SLC6A5: variants seen among roughly 807,000 people sequenced by gnomAD.
SLC6A5 encodes solute carrier family 6 member 5.
A neutral mutation model predicts 90.5 loss-of-function variants in SLC6A5; 58 were observed. That is an observed-to-expected ratio of 0.64 (90% CI 0.52 to 0.80). The LOEUF (loss-of-function observed/expected upper bound fraction) is 0.80, where lower values mean the gene tolerates loss of function less well. Among genes scored for constraint, SLC6A5 ranks in the 30% least tolerant of loss-of-function variants. The probability of loss-of-function intolerance (pLI) is 0.00; values close to 1 mark genes in which losing one functional copy is unlikely to be tolerated. For missense variants in SLC6A5, 1,015 were observed against 1,017.6 expected, an observed-to-expected ratio of 1.00 and a Z score of 0.03; for synonymous variants, 427 against 401.4, an observed-to-expected ratio of 1.06 and a Z score of -0.76.
intron 7 of SLC6A5, among the ~76,000 whole-genome samples, chr11:20,618,271 C>G (rs542407579): frequency 6.6e-6 from 1 of 152,254 alleles, no homozygotes; most frequent in South Asian, 2.1e-4. Flanking sequence ...GGTCTGGCTG[C>G]CAAGTTAGCT....
At chr11:20,613,281 A>C (rs7104406) in intron 5 of SLC6A5, among the ~76,000 whole-genome samples, 9,816 of 152,262 alleles carry the variant, frequency 0.064, 1,080 homozygotes, top group African/African-American at 0.22. Context: ...TACTTAAAAC[A>C]GTGCCATAAA....
At chr11:20,605,266 G>A (rs752625605) in intron 3 of SLC6A5, among the ~76,000 whole-genome samples, 8 of 152,178 alleles carry the variant, frequency 5.3e-5, no homozygotes, top group Non-Finnish European at 1.0e-4. Flanking sequence ...GCAATGCACT[G>A]CTTCACCCCA....
intron 14 of SLC6A5, among the ~76,000 whole-genome samples, chr11:20,648,394 C>T (rs761316623): frequency 6.6e-6 from 1 of 152,106 alleles, no homozygotes; most frequent in Non-Finnish European, 1.5e-5. Context: ...ACAGAAAAAT[C>T]GTTCAGCATT....
rs756405297 is a variant in SLC6A5 at position 20,627,945 on chromosome 11, A to T, written c.1396-35A>T. The T allele has an allele frequency of 1.9e-6, 3 of 1,543,646 alleles. No individual in the cohort carries two copies. In the South Asian group the frequency reaches 3.3e-5, roughly 17 times the overall value. ...CTCTCCCCTGGCGCCAGTCTCCTTC[A>T]TGGGTCTTGAATCTCTTTCCCTTTT... On this transcript the variant is annotated intron_variant, in intron 8 of 15. Coordinates refer to ENST00000525748, the MANE Select transcript of SLC6A5 (RefSeq NM_004211.5).
chr11:20,632,427 G>A (rs1248270297), intron 10 of SLC6A5, among the ~76,000 whole-genome samples: 3 of 152,214 alleles, frequency 2.0e-5, no homozygotes, highest in Admixed American at 2.0e-4. Context: ...TTTATCTGGT[G>A]TGTAAAATTG....
In SLC6A5 at chr11:20,654,784, C is replaced by T; in HGVS notation, c.2310C>T (p.Tyr770=). Residue 770 remains tyrosine, a synonymous_variant, in exon 16 of 16, where the codon TAC becomes TAT. Coordinates refer to ENST00000525748, the MANE Select transcript of SLC6A5 (RefSeq NM_004211.5). ...PFLAQHRGER[Y]KNMIDPLGTS... ...TAGCTCAACACCGCGGGGAGCGTTA[C>T]AAGAACATGATCGACCCCTTGGGAA... The T allele has an allele frequency of 1.9e-6, 3 of 1,614,138 alleles. No homozygotes were observed. The highest frequency in any genetic ancestry group is 2.5e-6 in the Non-Finnish European group (3 of 1,179,994).
intron 7 of SLC6A5, among the ~76,000 whole-genome samples, chr11:20,618,945 G>GAC (rs68111718): frequency 9.4e-5 from 14 of 148,768 alleles, no homozygotes; most frequent in African/African-American, 3.0e-4. Flanking sequence ...TGTCCCGCCC[G>GAC]ACACACACAC....
At chr11:20,627,911 G>A (rs1473016567) in intron 8 of SLC6A5, 69 bp from the exon 9 acceptor site, 4 of 1,102,960 alleles carry the variant, frequency 3.6e-6, no homozygotes, top group Non-Finnish European at 5.6e-6. Flanking sequence ...GGCACTGGGT[G>A]TGTGACTCCT....
chr11:20,606,241 A>G (rs1852578632), intron 3 of SLC6A5, among the ~76,000 whole-genome samples: 1 of 152,268 alleles, frequency 6.6e-6, no homozygotes, highest in African/African-American at 2.4e-5. Context: ...TAGACGGGGC[A>G]TTTTGAGGAA....
At chr11:20,633,498 G>C (rs2133805619) in intron 10 of SLC6A5, among the ~76,000 whole-genome samples, 1 of 152,282 alleles carries the variant, frequency 6.6e-6, no homozygotes, top group South Asian at 2.1e-4. Context: ...ACAGCAGAGT[G>C]GCTACCCAAG....
chr11:20,638,422 G>A, intron 12 of SLC6A5, 37 bp from the exon 13 acceptor site: 4 of 1,276,686 alleles, frequency 3.1e-6, no homozygotes, highest in Non-Finnish European at 4.6e-6. Context: ...CTGGCTTCAG[G>A]ACGCATTTGA....
intron 5 of SLC6A5, among the ~76,000 whole-genome samples, chr11:20,613,629 C>T (rs1852731742): frequency 6.6e-6 from 1 of 151,486 alleles, no homozygotes; most frequent in South Asian, 2.1e-4. Flanking sequence ...CTTGGTACCA[C>T]CGATGTTTTG....
At chr11:20,629,376 T>A (rs1853064397) in intron 9 of SLC6A5, among the ~76,000 whole-genome samples, 1 of 152,192 alleles carries the variant, frequency 6.6e-6, no homozygotes, top group Non-Finnish European at 1.5e-5. Context: ...AGGCCCCATC[T>A]CCTCAATTTC....
rs991679363 is a variant in SLC6A5, at chr11:20,603,701, G to C, written c.541-585G>C. Among the ~76,000 whole-genome samples, 2 of 152,210 alleles carry C rather than the reference G, an allele frequency of 1.3e-5. 1 individual carries two copies. Among genetic ancestry groups the C allele is most frequent in the Admixed American group, 1.3e-4 (2 of 15,286 alleles). On this transcript the variant is annotated intron_variant, in intron 2 of 15. Coordinates refer to ENST00000525748, the MANE Select transcript of SLC6A5 (RefSeq NM_004211.5). ...CCTTCTTAAATTAGTTGACCAGGCAGGTTCTGGTTTGGTCAAGAAAGTAAG... is the reference window on the plus strand; with the variant it reads ...CCTTCTTAAATTAGTTGACCAGGCACGTTCTGGTTTGGTCAAGAAAGTAAG...
Position 20,614,466 on chromosome 11 carries a change from G to A in SLC6A5, c.986-213G>A, listed in dbSNP as rs192346975. Among the ~76,000 whole-genome samples, 9 of 152,342 alleles carry A rather than the reference G, an allele frequency of 5.9e-5. No individual in the cohort carries two copies. The East Asian group carries it at 9.6e-4, about 16-fold the overall frequency. On this transcript the variant is annotated intron_variant, in intron 5 of 15. Coordinates refer to ENST00000525748, the MANE Select transcript of SLC6A5 (RefSeq NM_004211.5). Reference sequence around the variant, plus strand: ...AATGCCTTTGTCATCAGTACAAGGTGCAGTTGTGGGGACTGGGGGCTCTGA... The same window carrying A: ...AATGCCTTTGTCATCAGTACAAGGTACAGTTGTGGGGACTGGGGGCTCTGA...
At position 20,626,858 on chromosome 11, in the gene SLC6A5, T is replaced by C. The variant is rs771213870; in HGVS notation, c.1395+16T>C. The C allele has an allele frequency of 2.7e-5, 43 of 1,612,912 alleles. No homozygotes were observed. The highest frequency in any genetic ancestry group is 3.6e-5 in the Non-Finnish European group (43 of 1,179,024). On this transcript the variant is annotated intron_variant, in intron 8 of 15. Transcript: ENST00000525748. ...GGATGCCACGGTGGGCTTCTAATTT[T>C]ATCTATAACCAGCCCTGGGGGAGTG... is the stretch of plus-strand genomic sequence containing the variant.
At chr11:20,610,822 T>C (rs774610907) in intron 5 of SLC6A5, among the ~76,000 whole-genome samples, 3 of 152,186 alleles carry the variant, frequency 2.0e-5, no homozygotes, top group Non-Finnish European at 4.4e-5. Context: ...CGTTTTTAGT[T>C]GTTGCAGCTG....
At chr11:20,652,203 A>G in intron 14 of SLC6A5, 86 bp from the exon 15 acceptor site, 1 of 1,249,030 alleles carries the variant, frequency 8.0e-7, no homozygotes. Flanking sequence ...CGAAAGCATC[A>G]AACTCATAAC....
intron 7 of SLC6A5, among the ~76,000 whole-genome samples, chr11:20,618,889 A>G (rs1014643429): frequency 9.2e-5 from 14 of 151,720 alleles, no homozygotes; most frequent in African/African-American, 3.4e-4. Context: ...GTGAGCTAAG[A>G]TGGCATCACT....
Sources: gnomAD v4.1 joint callset for allele counts (sites outside exome capture counted in the v4.1 genomes callset) on GRCh38, gnomAD v4.1.1 for gene constraint, MANE v1.5 for transcripts, NCBI Gene and HGNC (gene_info 2026-07-23, HGNC 2026-07-21) for gene names.